ANK3: variants seen among roughly 807,000 people sequenced by gnomAD.
ANK3 encodes the protein ankyrin-3.
A neutral mutation model predicts 370.9 loss-of-function variants in ANK3; 57 were observed. That is an observed-to-expected ratio of 0.15 (90% CI 0.12 to 0.19). ANK3 has a LOEUF of 0.19. ANK3 is among the 10% of genes least tolerant of loss of function. The probability of loss-of-function intolerance (pLI) is 1.00; values close to 1 mark genes in which losing one functional copy is unlikely to be tolerated. For synonymous variants in ANK3, 1,929 were observed against 1,946.3 expected (o/e 0.99, Z 0.23); for missense variants, 4,439 against 5,302.1 (o/e 0.84, Z 5.06).
At chr10:60,308,331 G>A (rs1459127172) in intron 1 of ANK3, among the ~76,000 whole-genome samples, 2 of 120,144 alleles carry the variant, frequency 1.7e-5, no homozygotes, top group African/African-American at 3.2e-5. Flanking sequence ...ATGGAGTCTC[G>A]TTCTGTTGCC....
intron 17 of ANK3, 109 bp downstream of exon 17, chr10:60,186,606 A>T: frequency 1.7e-6 from 2 of 1,177,928 alleles, no homozygotes; most frequent in Non-Finnish European, 2.5e-6. Flanking sequence ...GTGCAATATT[A>T]CACTTTACAC....
intron 2 of ANK3, among the ~76,000 whole-genome samples, chr10:60,411,718 C>T (rs2063564029): frequency 6.6e-6 from 1 of 152,142 alleles, no homozygotes; most frequent in Non-Finnish European, 1.5e-5. Context: ...TGGTCACTTA[C>T]TAGGAAAATA....
intron 2 of ANK3, among the ~76,000 whole-genome samples, chr10:60,605,499 T>C (rs1175669487): frequency 1.3e-5 from 2 of 152,146 alleles, no homozygotes; most frequent in African/African-American, 2.4e-5. Context: ...GAAGGATTCA[T>C]AAGCATTTAT....
chr10:60,115,196 C>A (rs1358273982), intron 25 of ANK3, among the ~76,000 whole-genome samples: 3 of 152,110 alleles, frequency 2.0e-5, no homozygotes, highest in Non-Finnish European at 4.4e-5. Flanking sequence ...GAAGATCATA[C>A]AACGATTTTA....
intron 1 of ANK3, among the ~76,000 whole-genome samples, chr10:60,632,832 T>G (rs1291516582): frequency 6.6e-6 from 1 of 151,832 alleles, no homozygotes; most frequent in Non-Finnish European, 1.5e-5. Flanking sequence ...TAGTGAGCCA[T>G]GGTCGTACCA....
chr10:60,324,854 A>C (rs1281010785), intron 1 of ANK3, among the ~76,000 whole-genome samples: 1 of 152,218 alleles, frequency 6.6e-6, no homozygotes, highest in Non-Finnish European at 1.5e-5. Flanking sequence ...TGCCTAGAAT[A>C]GCATATAGTA....
At position 60,071,617 on chromosome 10, in the gene ANK3, C is replaced by G. The variant is rs1589564201; in HGVS notation, c.9264G>C (p.Glu3088Asp). 6.2e-7 allele frequency: 1 copy of G among 1,613,498 alleles called. No individual in the cohort carries two copies. The highest frequency in any genetic ancestry group is 1.3e-5 in the African/African-American group (1 of 74,842). Residue 3088 changes from glutamate to aspartate, a missense_variant, in exon 37 of 44, where the codon GAG becomes GAC. Around this residue, in one of 13 missense-constraint regions of ANK3, gnomAD observed 1,601 missense variants for 1,731.7 expected, o/e 0.92. Coordinates refer to ENST00000280772, the MANE Select transcript of ANK3 (RefSeq NM_020987.5). ...TGACATAAACGGGTAAAGTTTTTATCTCTTTCCCTCCCTCTGTCTGGGCTA... is the reference window on the plus strand; with the variant it reads ...TGACATAAACGGGTAAAGTTTTTATGTCTTTCCCTCCCTCTGTCTGGGCTA... Reference protein sequence around the residue: ...APLAQTEGGKEIKTLPVYVSF... With the variant: ...APLAQTEGGKDIKTLPVYVSF...
chr10:60,537,177 A>G (rs1384746465), intron 2 of ANK3, among the ~76,000 whole-genome samples: 1 of 152,070 alleles, frequency 6.6e-6, no homozygotes. Context: ...TTTTCTTTTC[A>G]TTCAGAGACT....
intron 1 of ANK3, among the ~76,000 whole-genome samples, chr10:60,366,837 A>T (rs193232983): frequency 2.0e-5 from 3 of 152,282 alleles, no homozygotes; most frequent in Admixed American, 2.0e-4. Context: ...ACCGCTTAAG[A>T]CTTCAGAACT....
At chr10:60,507,279 G>A (rs1297979179) in intron 2 of ANK3, among the ~76,000 whole-genome samples, 2 of 151,960 alleles carry the variant, frequency 1.3e-5, no homozygotes, top group East Asian at 1.9e-4. Flanking sequence ...AAAAATTAAT[G>A]CGTCACAATG....
intron 1 of ANK3, among the ~76,000 whole-genome samples, chr10:60,711,132 G>A (rs895697983): frequency 2.0e-5 from 3 of 152,118 alleles, no homozygotes; most frequent in Admixed American, 1.3e-4. Flanking sequence ...GTTCTAATGG[G>A]AAAAGTGAAC....
chr10:60,516,629 A>C (rs957497202), intron 2 of ANK3, among the ~76,000 whole-genome samples: 1 of 152,092 alleles, frequency 6.6e-6, no homozygotes, highest in Non-Finnish European at 1.5e-5. Flanking sequence ...GAGGAAAAAA[A>C]AATTAGGAGT....
At chr10:60,115,170 T>C (rs189815333) in intron 25 of ANK3, among the ~76,000 whole-genome samples, 10 of 152,292 alleles carry the variant, frequency 6.6e-5, no homozygotes, top group Admixed American at 2.6e-4. Flanking sequence ...TTAGAACTTA[T>C]AATGGGAAGA....
intron 1 of ANK3, among the ~76,000 whole-genome samples, chr10:60,647,365 T>C (rs1384019275): frequency 6.6e-6 from 1 of 152,218 alleles, no homozygotes; most frequent in Non-Finnish European, 1.5e-5. Flanking sequence ...TGCAATACAA[T>C]GTCCTCAGCA....
chr10:60,494,054 TTTTC>T, intron 2 of ANK3, among the ~76,000 whole-genome samples: 1 of 152,236 alleles, frequency 6.6e-6, no homozygotes, highest in Admixed American at 6.5e-5. Flanking sequence ...TCTGGGGAAT[TTTTC>T]TTTGTTTATA....
intron 2 of ANK3, among the ~76,000 whole-genome samples, chr10:60,411,976 G>GCTAC (rs1050498920): frequency 6.6e-6 from 1 of 152,088 alleles, no homozygotes; most frequent in African/African-American, 2.4e-5. Context: ...TTGAAGAAAA[G>GCTAC]CTACCTTTGA....
Position 60,070,442 on chromosome 10 carries a change from G to A in ANK3, c.10439C>T (p.Pro3480Leu). The change falls in exon 37 of 44, where the codon CCA (proline) becomes CTA (leucine). Residue 3480 changes from proline (P) to leucine (L), a missense_variant. By Grantham distance (98) the Pro-to-Leu change is moderately conservative. Transcript: ENST00000280772. This position sits in a 1 kb window ranked among gnomAD's most constrained non-coding sequence, Gnocchi z 5.7. ...TTCAGATGAAGAACTTTTAGAAGGT[G>A]GCTTGTCCTCATCTGGTCCCACCTT... ...EGKVGPDEDK[P>L]PSKSSSSEKT... The A allele has an allele frequency of 1.2e-6, 2 of 1,614,052 alleles. No individual in the cohort carries two copies. The highest frequency in any genetic ancestry group is 1.7e-6 in the Non-Finnish European group (2 of 1,180,000).
intron 18 of ANK3, among the ~76,000 whole-genome samples, chr10:60,176,197 A>C (rs2393620): frequency 8.5e-6 from 1 of 117,148 alleles, no homozygotes; most frequent in Admixed American, 8.9e-5. Context: ...AAAAAAAAAC[A>C]AAAAAAAACA....
At chr10:60,342,982 T>C (rs2054597404) in intron 1 of ANK3, among the ~76,000 whole-genome samples, 1 of 152,168 alleles carries the variant, frequency 6.6e-6, no homozygotes, top group African/African-American at 2.4e-5. Context: ...TTGCCATGTT[T>C]TTCCTTAAAA....
Sources: gnomAD v4.1 joint callset for allele counts (sites outside exome capture counted in the v4.1 genomes callset) on GRCh38, gnomAD v4.1.1 for gene constraint, gnomAD v4.1.1 regional missense constraint, Gnocchi (gnomAD v3.1) non-coding constraint, MANE v1.5 for transcripts, NCBI Gene and HGNC (gene_info 2026-07-23, HGNC 2026-07-21) for gene names.